Variants in PARD3 observed in about 807,000 individuals in gnomAD.
The protein encoded by PARD3 is partitioning defective 3 homolog.
Under a neutral mutation model 155.4 loss-of-function variants are expected in PARD3, and 75 were observed. The observed-to-expected ratio is 0.48, with a 90% CI of 0.40 to 0.58. The LOEUF is 0.58. Ranked by LOEUF, PARD3 falls within the 20% of genes least tolerant of loss-of-function variation. The pLI is 0.00. For synonymous variants in PARD3, 576 were observed against 610.5 expected (o/e 0.94, Z 0.83); for missense variants, 1,642 against 1,721.7 (o/e 0.95, Z 0.82).
chr10:34,247,158 A>T (rs1954007813), intron 22 of PARD3, among the ~76,000 whole-genome samples: 1 of 152,202 alleles, frequency 6.6e-6, no homozygotes, highest in Non-Finnish European at 1.5e-5. Context: ...ATTATTAGAC[A>T]TAGAAAGGAA....
At chr10:34,291,852 G>C (rs999178214) in intron 20 of PARD3, among the ~76,000 whole-genome samples, 2 of 152,234 alleles carry the variant, frequency 1.3e-5, no homozygotes, top group African/African-American at 4.8e-5. Context: ...TTCGAGACCA[G>C]CTTGGGCAAC....
intron 21 of PARD3, among the ~76,000 whole-genome samples, chr10:34,280,840 T>G (rs1956122297): frequency 6.6e-6 from 1 of 152,164 alleles, no homozygotes; most frequent in African/African-American, 2.4e-5. Flanking sequence ...GACTCTCTGT[T>G]CCTATCTTGG....
intron 2 of PARD3, among the ~76,000 whole-genome samples, chr10:34,674,478 A>ATTTTTT (rs11402018): frequency 5.0e-5 from 4 of 79,528 alleles, no homozygotes; most frequent in Non-Finnish European, 4.5e-5. Context: ...CACGCTCTTG[A>ATTTTTT]TTTTTTTTTT....
At position 34,452,975 on chromosome 10, in the gene PARD3, C is replaced by A. The variant is rs1036315507; in HGVS notation, c.583-2527G>T. Among the ~76,000 whole-genome samples the A allele has an allele frequency of 1.1e-4, 16 of 152,130 alleles. 1 individual carries two copies. Among genetic ancestry groups the A allele is most frequent in the Admixed American group, 9.2e-4 (14 of 15,256 alleles). ...TAGTTCAGGATCAACTTGTCTCTTA[C>A]CTGAAATTTTAACAGTGGCCTTCTA... is the stretch of plus-strand genomic sequence containing the variant. On this transcript the variant is annotated intron_variant, in intron 4 of 24. Coordinates refer to ENST00000374788, the MANE Select transcript of PARD3 (RefSeq NM_001184785.2).
intron 20 of PARD3, among the ~76,000 whole-genome samples, chr10:34,309,451 G>A (rs777361168): frequency 6.7e-6 from 1 of 149,688 alleles, no homozygotes; most frequent in Non-Finnish European, 1.5e-5. Flanking sequence ...CCAGCTACTG[G>A]GAAGGCTGAG....
intron 22 of PARD3, among the ~76,000 whole-genome samples, chr10:34,267,279 A>C (rs1433861184): frequency 1.3e-5 from 2 of 152,232 alleles, no homozygotes; most frequent in Non-Finnish European, 2.9e-5. Context: ...GAAACCAAGT[A>C]AGAGCTTTTA....
chr10:34,298,010 T>C (rs1234551912), intron 20 of PARD3, among the ~76,000 whole-genome samples: 23 of 152,360 alleles, frequency 1.5e-4, no homozygotes, highest in Middle Eastern at 3.4e-3. Flanking sequence ...CCTAGCATTA[T>C]GCTGTTAACT....
intron 1 of PARD3, among the ~76,000 whole-genome samples, chr10:34,793,333 T>C (rs1841885738): frequency 6.6e-6 from 1 of 151,998 alleles, no homozygotes; most frequent in African/African-American, 2.4e-5. Context: ...AGTTCTGCCA[T>C]GATCAGGGAG....
rs78411993 is a variant in PARD3, at chr10:34,459,535, C to T, written c.583-9087G>A. On this transcript the variant is annotated intron_variant, in intron 4 of 24. Coordinates refer to ENST00000374788, the MANE Select transcript of PARD3 (RefSeq NM_001184785.2). ...GCTCCAAAACTAAAATTATAAGTAA[C>T]AATAGCATTTTGCATCAAGAATACT... Among the ~76,000 whole-genome samples, 750 of 152,222 alleles carry T rather than the reference C, an allele frequency of 4.9e-3. 5 individuals carry two copies. The highest frequency in any genetic ancestry group is 0.017 in the African/African-American group (726 of 41,526).
chr10:34,580,155 T>C (rs185654383), intron 2 of PARD3, among the ~76,000 whole-genome samples: 45 of 152,146 alleles, frequency 3.0e-4, no homozygotes, highest in African/African-American at 9.4e-4. Flanking sequence ...CCTCAGGTGA[T>C]CCACCAACCT....
chr10:34,616,221 G>A (rs903158399), intron 2 of PARD3, among the ~76,000 whole-genome samples: 7 of 152,070 alleles, frequency 4.6e-5, no homozygotes, highest in African/African-American at 1.7e-4. Context: ...GGAGGCTGAG[G>A]CACAAGAATT....
intron 2 of PARD3, among the ~76,000 whole-genome samples, chr10:34,665,840 A>C (rs529558435): frequency 1.1e-3 from 151 of 136,604 alleles, no homozygotes; most frequent in African/African-American, 4.1e-3. Flanking sequence ...GTCTCAATTA[A>C]AGAACAGAAC....
At chr10:34,431,782 G>A (rs1278431340) in intron 5 of PARD3, among the ~76,000 whole-genome samples, 1 of 77,740 alleles carries the variant, frequency 1.3e-5, no homozygotes. Context: ...GGGTATGGTG[G>A]CTCATGCCTG....
intron 24 of PARD3, among the ~76,000 whole-genome samples, chr10:34,114,278 G>GA (rs1946549930): frequency 6.6e-6 from 1 of 151,810 alleles, no homozygotes; most frequent in Non-Finnish European, 1.5e-5. Context: ...AGGAGAAAAA[G>GA]AAAAAAAGGC....
chr10:34,697,187 A>T (rs986319516), intron 1 of PARD3, among the ~76,000 whole-genome samples: 2 of 152,182 alleles, frequency 1.3e-5, no homozygotes, highest in Admixed American at 1.3e-4. Context: ...CTGCTTTCAA[A>T]TGATCTGAAG....
intron 2 of PARD3, among the ~76,000 whole-genome samples, chr10:34,641,739 C>G (rs1445759151): frequency 6.6e-6 from 1 of 152,196 alleles, no homozygotes; most frequent in Non-Finnish European, 1.5e-5. Context: ...TGCCCCCATT[C>G]GTGAAATGGG....
chr10:34,792,203 A>G lies in PARD3; in HGVS notation c.120+22673T>C, dbSNP rs74134419. ...TTGCGGAGCTCTCTGGCTCCACCCA[A>G]CGCTGGGTGGGAGAAGACCTGTGGA... On this transcript the variant is annotated intron_variant, in intron 1 of 24. Coordinates refer to ENST00000374788, the MANE Select transcript of PARD3 (RefSeq NM_001184785.2). Among the ~76,000 whole-genome samples, 1,185 of 152,186 alleles carry G rather than the reference A, an allele frequency of 7.8e-3. 16 individuals carry two copies. The highest frequency in any genetic ancestry group is 0.027 in the African/African-American group (1,137 of 41,524).
chr10:34,290,633 G>A (rs1356940935), intron 20 of PARD3, among the ~76,000 whole-genome samples: 1 of 152,136 alleles, frequency 6.6e-6, no homozygotes, highest in African/African-American at 2.4e-5. Context: ...CCTTGTGTCT[G>A]ACCCTCATTT....
chr10:34,632,949 G>A (rs2092330422), intron 2 of PARD3, among the ~76,000 whole-genome samples: 1 of 152,224 alleles, frequency 6.6e-6, no homozygotes, highest in African/African-American at 2.4e-5. Flanking sequence ...CAGAGGCTAA[G>A]AAGGGAGGCC....
Sources: allele counts gnomAD v4.1 joint callset (sites outside exome capture counted in the v4.1 genomes callset), GRCh38; gene constraint gnomAD v4.1.1; transcripts MANE v1.5; gene names NCBI Gene and HGNC (gene_info 2026-07-23, HGNC 2026-07-21).